Variants in ST8SIA4 observed in about 807,000 individuals in gnomAD.
ST8SIA4 encodes CMP-N-acetylneuraminate-poly-alpha-2,8-sialyltransferase.
Under a neutral mutation model 33.9 loss-of-function variants are expected in ST8SIA4, and 15 were observed. That is an observed-to-expected ratio of 0.44 (90% CI 0.30 to 0.68). ST8SIA4 has a LOEUF of 0.68. ST8SIA4 is among the 30% of genes least tolerant of loss of function. The pLI is 0.10. For synonymous variants in ST8SIA4, 171 were observed against 151.2 expected (o/e 1.13, Z -0.96); for missense variants, 321 against 428.0 (o/e 0.75, Z 2.21).
intron 4 of ST8SIA4, among the ~76,000 whole-genome samples, chr5:100,828,439 T>G (rs1751186752): frequency 1.3e-5 from 2 of 152,186 alleles, no homozygotes; most frequent in Non-Finnish European, 2.9e-5. Flanking sequence ...TTTCCTTCTC[T>G]GAGACCTCAA....
intron 3 of ST8SIA4, 137 bp from the exon 4 acceptor site, chr5:100,856,533 G>A (rs1191324033): frequency 3.7e-6 from 3 of 811,050 alleles, no homozygotes; most frequent in Non-Finnish European, 5.8e-6. Context: ...CATCTACTTG[G>A]TAAGATTACA....
intron 3 of ST8SIA4, among the ~76,000 whole-genome samples, chr5:100,880,156 C>G (rs1010082821): frequency 6.6e-6 from 1 of 151,966 alleles, no homozygotes. Flanking sequence ...TTCTTGCTTA[C>G]CTCTAGCAAA....
intron 4 of ST8SIA4, among the ~76,000 whole-genome samples, chr5:100,836,984 A>G (rs1458553347): frequency 7.4e-6 from 1 of 134,890 alleles, no homozygotes; most frequent in Non-Finnish European, 1.6e-5. Context: ...GAATTTTCTC[A>G]TTAGTGCTAA....
intron 4 of ST8SIA4, chr5:100,816,668 C>A: frequency 2.1e-6 from 1 of 480,552 alleles, no homozygotes; most frequent in South Asian, 1.6e-5. Flanking sequence ...ACTGTGCCAA[C>A]AGTTGTAATT....
chr5:100,888,474 T>C (rs1435563478), intron 2 of ST8SIA4, among the ~76,000 whole-genome samples: 3 of 151,966 alleles, frequency 2.0e-5, no homozygotes, highest in African/African-American at 7.2e-5. Context: ...GAGAAAACGC[T>C]ACACCTAGTT....
chr5:100,835,841 A>G (rs1356394961), intron 4 of ST8SIA4, among the ~76,000 whole-genome samples: 1 of 152,166 alleles, frequency 6.6e-6, no homozygotes, highest in South Asian at 2.1e-4. Flanking sequence ...GTTGACTTCA[A>G]TCTAAATTGA....
At chr5:100,842,510 C>T (rs1352957164) in intron 4 of ST8SIA4, among the ~76,000 whole-genome samples, 1 of 151,856 alleles carries the variant, frequency 6.6e-6, no homozygotes, top group Admixed American at 6.6e-5. Context: ...AAACTGCCCA[C>T]ATCCCACCTC....
At chr5:100,813,737 A>G (rs1315716120) in intron 4 of ST8SIA4, among the ~76,000 whole-genome samples, 12 of 152,008 alleles carry the variant, frequency 7.9e-5, no homozygotes, top group Non-Finnish European at 8.8e-5. Context: ...TGATTATAAG[A>G]AAGTATTGTG....
At chr5:100,871,819 G>C (rs1262756186) in intron 3 of ST8SIA4, among the ~76,000 whole-genome samples, 3 of 152,016 alleles carry the variant, frequency 2.0e-5, no homozygotes, top group African/African-American at 7.2e-5. Context: ...TCACTCTGCT[G>C]TTAATAGGCC....
At chr5:100,847,894 T>G (rs970901198) in intron 4 of ST8SIA4, among the ~76,000 whole-genome samples, 1 of 152,096 alleles carries the variant, frequency 6.6e-6, no homozygotes, top group African/African-American at 2.4e-5. Flanking sequence ...AGCAAAACTC[T>G]GGGAATCCTG....
Position 100,886,516 on chromosome 5 carries a change from A to G in ST8SIA4, c.330T>C (p.Tyr110=), listed in dbSNP as rs1387632138. ...TTAGTGTCCGGCGCCTGTCAAGCACATAGTGTATGACATCACCAGGCTTAA... is the reference window on the plus strand; with the variant it reads ...TTAGTGTCCGGCGCCTGTCAAGCACGTAGTGTATGACATCACCAGGCTTAA... ...SSFKPGDVIH[Y]VLDRRRTLNI... Residue 110 remains tyrosine, a synonymous_variant, in exon 3 of 5, where the codon TAT becomes TAC. Coordinates refer to ENST00000231461, the MANE Select transcript of ST8SIA4 (RefSeq NM_005668.6). 1.2e-6 allele frequency: 2 copies of G among 1,613,852 alleles called. No individual in the cohort carries two copies. The highest frequency in any genetic ancestry group is 1.3e-5 in the African/African-American group (1 of 75,028).
intron 3 of ST8SIA4, among the ~76,000 whole-genome samples, chr5:100,877,341 A>G (rs1394999013): frequency 6.6e-6 from 1 of 152,218 alleles, no homozygotes; most frequent in Non-Finnish European, 1.5e-5. Flanking sequence ...AGAAAGAATA[A>G]TGAGGATTGA....
intron 4 of ST8SIA4, among the ~76,000 whole-genome samples, chr5:100,821,299 T>A (rs984442209): frequency 4.6e-5 from 7 of 151,960 alleles, no homozygotes; most frequent in Non-Finnish European, 8.8e-5. Context: ...TAACGCTCAG[T>A]AAAAATGGGT....
At chr5:100,885,575 C>T (rs763439738) in intron 3 of ST8SIA4, 42 of 928,670 alleles carry the variant, frequency 4.5e-5, no homozygotes, top group Non-Finnish European at 5.1e-5. Flanking sequence ...TTTCAATATC[C>T]ATGTTTCTGT....
intron 3 of ST8SIA4, among the ~76,000 whole-genome samples, chr5:100,859,385 A>G (rs1751885128): frequency 6.6e-6 from 1 of 152,114 alleles, no homozygotes; most frequent in Non-Finnish European, 1.5e-5. Context: ...GTGAGTCAAA[A>G]TTGTTGAGTG....
chr5:100,867,113 T>C (rs559789718), intron 3 of ST8SIA4, among the ~76,000 whole-genome samples: 54 of 152,212 alleles, frequency 3.5e-4, no homozygotes, highest in Admixed American at 1.6e-3. Context: ...GAATCGATAC[T>C]AGGTATACCC....
At chr5:100,866,048 C>T (rs1032704953) in intron 3 of ST8SIA4, among the ~76,000 whole-genome samples, 2 of 152,112 alleles carry the variant, frequency 1.3e-5, no homozygotes, top group Non-Finnish European at 2.9e-5. Context: ...ACACATGGGC[C>T]TGGCCAATAG....
chr5:100,862,903 T>C (rs765040801), intron 3 of ST8SIA4, among the ~76,000 whole-genome samples: 4 of 152,210 alleles, frequency 2.6e-5, no homozygotes, highest in Non-Finnish European at 4.4e-5. Flanking sequence ...TGCTCTTAAA[T>C]ATTATGTACC....
intron 2 of ST8SIA4, among the ~76,000 whole-genome samples, chr5:100,892,063 T>C (rs1290008933): frequency 6.6e-6 from 1 of 152,262 alleles, no homozygotes; most frequent in Admixed American, 6.5e-5. Context: ...GAAATATTTT[T>C]TCTAATTATG....
Sources: allele counts gnomAD v4.1 joint callset (sites outside exome capture counted in the v4.1 genomes callset), GRCh38; gene constraint gnomAD v4.1.1; transcripts MANE v1.5; gene names NCBI Gene and HGNC (gene_info 2026-07-23, HGNC 2026-07-21).